The following KLF12 variants were observed in gnomAD, a reference collection of about 807,000 sequenced individuals.
KLF12 encodes the protein KLF transcription factor 12, also known as Krueppel-like factor 12.
In KLF12, 9 loss-of-function variants were observed where a neutral mutation model predicts 37.8. The observed-to-expected ratio is 0.24, with a 90% CI of 0.14 to 0.42. KLF12 has a LOEUF of 0.42. KLF12 is among the 10% of genes least tolerant of loss of function. The pLI, the probability that KLF12 is intolerant of heterozygous loss-of-function variation, is 1.00. For synonymous variants in KLF12, 208 were observed against 202.1 expected, an observed-to-expected ratio of 1.03 and a Z score of -0.25; for missense variants, 411 against 516.0, an observed-to-expected ratio of 0.80 and a Z score of 1.97.
the KLF12 span, among the ~76,000 whole-genome samples, chr13:74,228,213 T>C: frequency 6.6e-6 from 1 of 152,162 alleles, no homozygotes; most frequent in Non-Finnish European, 1.5e-5. Flanking sequence ...CATTTTGCTG[T>C]AGAGCAAACT....
At chr13:73,880,755 A>G (rs1470770139) in intron 3 of KLF12, among the ~76,000 whole-genome samples, 1 of 152,234 alleles carries the variant, frequency 6.6e-6, no homozygotes, top group African/African-American at 2.4e-5. Flanking sequence ...TAAATCCCAG[A>G]TTCTTGGCTA....
chr13:73,745,659 G>T (rs1378764027), intron 6 of KLF12, among the ~76,000 whole-genome samples: 1 of 152,084 alleles, frequency 6.6e-6, no homozygotes, highest in Non-Finnish European at 1.5e-5. Flanking sequence ...ACTTGTCATT[G>T]TTCTGCACGT....
At chr13:73,867,916 G>C (rs1238273651) in intron 3 of KLF12, among the ~76,000 whole-genome samples, 2 of 151,750 alleles carry the variant, frequency 1.3e-5, no homozygotes, top group African/African-American at 2.4e-5. Context: ...AGCTACTTGA[G>C]AGGTTGAGGC....
intron 1 of KLF12, among the ~76,000 whole-genome samples, chr13:74,104,534 C>T (rs1876545212): frequency 6.6e-6 from 1 of 152,222 alleles, no homozygotes; most frequent in Admixed American, 6.5e-5. Context: ...TGCTCCCTCA[C>T]ATTTCTCTCA....
intron 6 of KLF12, among the ~76,000 whole-genome samples, chr13:73,757,299 T>C (rs1029985386): frequency 5.3e-5 from 8 of 152,176 alleles, no homozygotes; most frequent in Admixed American, 5.2e-4. Context: ...AAAACCTGTG[T>C]GATTCTGAGT....
intron 2 of KLF12, among the ~76,000 whole-genome samples, chr13:73,978,345 A>T (rs1379917879): frequency 1.3e-5 from 2 of 148,502 alleles, no homozygotes; most frequent in Non-Finnish European, 3.1e-5. Context: ...ATGGCAAATA[A>T]GCATATGAAA....
intron 1 of KLF12, among the ~76,000 whole-genome samples, chr13:74,113,142 C>A (rs1877079962): frequency 6.6e-6 from 1 of 152,090 alleles, no homozygotes; most frequent in Non-Finnish European, 1.5e-5. Context: ...GAGTTTGGTT[C>A]ATGAGGTTTA....
intron 4 of KLF12, among the ~76,000 whole-genome samples, chr13:73,833,661 G>A (rs9565049): frequency 0.26 from 38,997 of 151,968 alleles, 5,268 homozygotes; most frequent in East Asian, 0.48. Context: ...AGGCATTTGA[G>A]CCAGATCTTT....
chr13:74,220,701 C>T, the KLF12 span, among the ~76,000 whole-genome samples: 1 of 152,306 alleles, frequency 6.6e-6, no homozygotes. Context: ...CCCTTGGCAA[C>T]CACCATTCTC....
At chr13:74,131,899 T>G (rs1174351642) in intron 1 of KLF12, among the ~76,000 whole-genome samples, 1 of 152,158 alleles carries the variant, frequency 6.6e-6, no homozygotes, top group Non-Finnish European at 1.5e-5. Flanking sequence ...TCAAAGGAGC[T>G]TAATATATTC....
At chr13:73,998,981 A>T (rs920323671) in intron 1 of KLF12, among the ~76,000 whole-genome samples, 6 of 152,228 alleles carry the variant, frequency 3.9e-5, no homozygotes, top group Non-Finnish European at 8.8e-5. Context: ...AGCATGACAC[A>T]TCTTACTACC....
chr13:74,276,261 G>A, the KLF12 span, among the ~76,000 whole-genome samples: 11 of 152,114 alleles, frequency 7.2e-5, no homozygotes, highest in East Asian at 1.9e-3. Flanking sequence ...AGTTTGCTGA[G>A]AATGATATGC....
the KLF12 span, among the ~76,000 whole-genome samples, chr13:74,304,035 G>T: frequency 2.0e-5 from 3 of 152,018 alleles, no homozygotes. Flanking sequence ...CTTTCCGAGG[G>T]CCCACTCTGC....
rs1873748142 is a variant in KLF12, at chr13:73,690,351, G to A, written c.*5139C>T. On this transcript the variant is annotated 3_prime_UTR_variant, in exon 8 of 8. Transcript: ENST00000377669. The stretch of plus-strand genomic sequence containing the variant: ...CAGCACTTAATCTTGTCAACATGTA[G>A]TTATACCTAAAAGCAGTCTCCCTGG... 1 of 152,390 alleles carries A rather than the reference G, an allele frequency of 6.6e-6. No homozygotes were observed. The highest frequency in any genetic ancestry group is 2.1e-4 in the South Asian group (1 of 4,832). The allele number at this position is 152,390 out of a possible 1,614,324, so 9.4% of individuals were successfully genotyped here.
At chr13:74,260,260 A>G in the KLF12 span, among the ~76,000 whole-genome samples, 2 of 152,134 alleles carry the variant, frequency 1.3e-5, no homozygotes, top group African/African-American at 4.8e-5. Context: ...CAACAATTCA[A>G]ATAGAGTAAA....
chr13:73,920,784 C>T (rs906506870), intron 3 of KLF12, among the ~76,000 whole-genome samples: 3 of 152,038 alleles, frequency 2.0e-5, no homozygotes, highest in Non-Finnish European at 2.9e-5. Flanking sequence ...GAAAATAATA[C>T]CCCAAAGTAT....
chr13:74,297,634 C>A, the KLF12 span, among the ~76,000 whole-genome samples: 5 of 152,072 alleles, frequency 3.3e-5, no homozygotes, highest in Non-Finnish European at 7.4e-5. Flanking sequence ...CAACTTTGTG[C>A]AGATACAATG....
At chr13:74,209,909 G>T in the KLF12 span, among the ~76,000 whole-genome samples, 1 of 152,148 alleles carries the variant, frequency 6.6e-6, no homozygotes, top group Non-Finnish European at 1.5e-5. Flanking sequence ...AGGCTATAAA[G>T]TTGACACCTA....
intron 6 of KLF12, 42 bp downstream of exon 6, chr13:73,764,896 C>T (rs1240171594): frequency 1.2e-5 from 14 of 1,144,030 alleles, no homozygotes; most frequent in Non-Finnish European, 1.6e-5. Flanking sequence ...ATTAAAGTTT[C>T]CCGTAAGACC....
Sources: gnomAD v4.1 joint callset for allele counts (sites outside exome capture counted in the v4.1 genomes callset) on GRCh38, gnomAD v4.1.1 for gene constraint, MANE v1.5 for transcripts, NCBI Gene and HGNC (gene_info 2026-07-23, HGNC 2026-07-21) for gene names.